The following RHBDL3 variants were observed in gnomAD, a reference collection of about 807,000 sequenced individuals.
RHBDL3 encodes rhomboid like 3.
In RHBDL3, 28 loss-of-function variants were observed where a neutral mutation model predicts 48.2. The observed-to-expected ratio is 0.58, with a 90% confidence interval of 0.43 to 0.80. The LOEUF (loss-of-function observed/expected upper bound fraction) is 0.80, where lower values mean the gene tolerates loss of function less well. Ranked by LOEUF, RHBDL3 falls within the 30% of genes least tolerant of loss-of-function variation. RHBDL3 has a pLI of 0.00. For missense variants in RHBDL3, 464 were observed against 542.7 expected (o/e 0.85, Z 1.44); for synonymous variants, 208 against 232.3 (o/e 0.90, Z 0.95).
At position 32,282,420 on chromosome 17, in the gene RHBDL3, C is replaced by T. The variant is rs71377427; in HGVS notation, c.136-2239C>T. 1.4e-3 allele frequency among the ~76,000 whole-genome samples: 212 copies of T among 152,114 alleles called. 1 individual carries two copies. Among genetic ancestry groups the T allele is most frequent in the Admixed American group, 0.011 (175 of 15,280 alleles). On this transcript the variant is annotated intron_variant, in intron 2 of 8. Transcript: ENST00000269051. ...CATCACTACAAAAAATTTAAAAATTCGCTGGTTGTGGTGGCACACAACTGT... is the reference window on the plus strand; with the variant it reads ...CATCACTACAAAAAATTTAAAAATTTGCTGGTTGTGGTGGCACACAACTGT...
At chr17:32,309,370 T>C (rs1374076536) in intron 7 of RHBDL3, among the ~76,000 whole-genome samples, 4 of 151,992 alleles carry the variant, frequency 2.6e-5, no homozygotes, top group African/African-American at 4.8e-5. Context: ...CTGACCAACA[T>C]GGAGAAACCC....
chr17:32,271,092 G>A (rs2039763215), intron 2 of RHBDL3, among the ~76,000 whole-genome samples: 1 of 152,158 alleles, frequency 6.6e-6, no homozygotes, highest in Non-Finnish European at 1.5e-5. Flanking sequence ...TGTGGAATCT[G>A]TTGAGCTTTT....
chr17:32,298,417 C>T (rs548240054), intron 6 of RHBDL3, among the ~76,000 whole-genome samples: 11 of 152,274 alleles, frequency 7.2e-5, no homozygotes, highest in South Asian at 6.2e-4. Context: ...TGTGGCAGGA[C>T]GGGGGAGGAG....
intron 2 of RHBDL3, among the ~76,000 whole-genome samples, chr17:32,275,539 C>T (rs1296924067): frequency 2.7e-5 from 4 of 147,892 alleles, no homozygotes; most frequent in South Asian, 4.5e-4. Context: ...CAGCTGCATG[C>T]GTTCCAGGGA....
intron 2 of RHBDL3, among the ~76,000 whole-genome samples, chr17:32,283,536 G>C (rs944578296): frequency 5.3e-5 from 8 of 151,264 alleles, no homozygotes; most frequent in African/African-American, 2.0e-4. Flanking sequence ...TGTTAGCCAG[G>C]ATGGTCTCCA....
intron 7 of RHBDL3, among the ~76,000 whole-genome samples, chr17:32,307,207 T>C (rs550308529): frequency 6.6e-6 from 1 of 152,242 alleles, no homozygotes; most frequent in East Asian, 1.9e-4. Context: ...CGGGTCTTAC[T>C]TGTCTATTTC....
chr17:32,320,570 C>T (rs977543832), intron 8 of RHBDL3, among the ~76,000 whole-genome samples: 7 of 152,160 alleles, frequency 4.6e-5, no homozygotes, highest in Non-Finnish European at 7.3e-5. Context: ...GTGATCCACC[C>T]GCCTCGGCCT....
In RHBDL3 at chr17:32,265,921, C is replaced by A. The variant is rs1159708594; in HGVS notation, c.-269C>A. Among the ~76,000 whole-genome samples the A allele has an allele frequency of 6.8e-6, 1 of 146,574 alleles. No homozygotes were observed. Among genetic ancestry groups the A allele is most frequent in the African/African-American group, 2.5e-5 (1 of 40,802 alleles). On this transcript the variant is annotated 5_prime_UTR_variant, in exon 1 of 9. Coordinates refer to ENST00000269051, the MANE Select transcript of RHBDL3 (RefSeq NM_138328.3). ...AGGGCGCCCTCGCCTCGGAGCCGGG[C>A]GCGAGGGCCGGGGCGGAGGCGGAGG...
intron 5 of RHBDL3, among the ~76,000 whole-genome samples, chr17:32,296,160 A>G (rs1174317340): frequency 6.8e-6 from 1 of 147,700 alleles, no homozygotes; most frequent in Non-Finnish European, 1.5e-5. Flanking sequence ...CCCAGGAGGC[A>G]GAGCTTGCAG....
intron 5 of RHBDL3, among the ~76,000 whole-genome samples, chr17:32,295,987 G>A (rs1300004465): frequency 6.6e-6 from 1 of 152,080 alleles, no homozygotes; most frequent in Non-Finnish European, 1.5e-5. Context: ...AGCACTTTGG[G>A]GGGCCAAGGC....
chr17:32,292,184 A>G lies in RHBDL3; in HGVS notation c.520-2110A>G, dbSNP rs527544773. On this transcript the variant is annotated intron_variant, in intron 4 of 8. Transcript: ENST00000269051. ...AAAAAAAAGAGTTAAATACCCTTTT[A>G]GAGATTAAACAAGTATGCTTCAGTC... Among the ~76,000 whole-genome samples the G allele has an allele frequency of 5.9e-5, 9 of 152,332 alleles. No homozygotes were observed. In the East Asian group the frequency reaches 1.7e-3, roughly 29 times the overall value.
intron 2 of RHBDL3, among the ~76,000 whole-genome samples, chr17:32,279,752 T>A (rs763550569): frequency 7.9e-5 from 12 of 152,198 alleles, no homozygotes; most frequent in Admixed American, 7.9e-4. Flanking sequence ...GAAGAGTTTC[T>A]GCTTGATTGA....
At chr17:32,302,882 AGCT>A (rs2040619031) in intron 6 of RHBDL3, among the ~76,000 whole-genome samples, 1 of 152,206 alleles carries the variant, frequency 6.6e-6, no homozygotes, top group African/African-American at 2.4e-5. Context: ...ACTTAGCCAG[AGCT>A]GCTGCCTGTG....
intron 2 of RHBDL3, among the ~76,000 whole-genome samples, chr17:32,282,290 G>A (rs367913257): frequency 2.0e-5 from 3 of 152,222 alleles, no homozygotes; most frequent in African/African-American, 4.8e-5. Context: ...CTCGGGGCCA[G>A]GCATGGTAGC....
chr17:32,268,043 G>T lies in RHBDL3; in HGVS notation c.135+118G>T, dbSNP rs1215418511. The T allele has an allele frequency of 1.0e-5, 8 of 800,862 alleles. No homozygotes were observed. In the East Asian group the frequency reaches 1.7e-4, roughly 17 times the overall value. The allele number at this position is 800,862 out of a possible 1,614,324, so 49.6% of individuals were successfully genotyped here. A position where few individuals can be genotyped will look rare whatever the true frequency, so the allele number is the denominator to read the frequency against. ...CCTGAGATGGTGACGTGGGGTGGGG[G>T]TGTGGCTTTGTGCATCTCTAGGGCT... is the stretch of plus-strand genomic sequence containing the variant. On this transcript the variant is annotated intron_variant, in intron 2 of 8. Transcript: ENST00000269051.
intron 8 of RHBDL3, 113 bp from the exon 9 acceptor site, chr17:32,320,845 A>T (rs981448592): frequency 8.2e-6 from 6 of 732,178 alleles, no homozygotes; most frequent in Non-Finnish European, 1.4e-5. Context: ...CCCAGTGCAG[A>T]GAATGGTGCT....
intron 2 of RHBDL3, among the ~76,000 whole-genome samples, chr17:32,283,014 A>G (rs1295643240): frequency 6.6e-6 from 1 of 152,190 alleles, no homozygotes; most frequent in East Asian, 1.9e-4. Flanking sequence ...CCACTTTCCT[A>G]AAATAGCCTT....
chr17:32,313,795 C>G (rs942428944), intron 7 of RHBDL3, among the ~76,000 whole-genome samples: 1 of 119,582 alleles, frequency 8.4e-6, no homozygotes. Context: ...CTCACTCTGT[C>G]GTCCAGGCTG....
chr17:32,306,740 G>A (rs1338605876), intron 7 of RHBDL3, among the ~76,000 whole-genome samples: 1 of 152,144 alleles, frequency 6.6e-6, no homozygotes, highest in African/African-American at 2.4e-5. Flanking sequence ...AGGCAACATG[G>A]TGAAACTCCA....
Sources: gnomAD v4.1 joint callset for allele counts (sites outside exome capture counted in the v4.1 genomes callset) on GRCh38, gnomAD v4.1.1 for gene constraint, MANE v1.5 for transcripts, NCBI Gene and HGNC (gene_info 2026-07-23, HGNC 2026-07-21) for gene names.